Variants in MAGI2 observed in about 807,000 individuals in gnomAD.
MAGI2 encodes membrane associated guanylate kinase, WW and PDZ domain containing 2.
A neutral mutation model predicts 133.3 loss-of-function variants in MAGI2; 35 were observed. The ratio of observed to expected loss-of-function variants is 0.26; its 90% confidence interval spans 0.20 to 0.35. The LOEUF (loss-of-function observed/expected upper bound fraction) is 0.35. Ranked by LOEUF, MAGI2 falls within the 10% of genes least tolerant of loss-of-function variation. The pLI is 1.00. For missense variants in MAGI2, 1,636 were observed against 1,863.4 expected (o/e 0.88, Z 2.25); for synonymous variants, 729 against 710.6 (o/e 1.03, Z -0.41).
intron 3 of MAGI2, among the ~76,000 whole-genome samples, chr7:78,545,148 T>G (rs537811867): frequency 1.3e-5 from 2 of 151,454 alleles, no homozygotes; most frequent in South Asian, 4.2e-4. Flanking sequence ...GAACTTGAAA[T>G]TATAAGTCTT....
At chr7:79,405,332 G>A (rs919371544) in intron 1 of MAGI2, among the ~76,000 whole-genome samples, 5 of 152,114 alleles carry the variant, frequency 3.3e-5, no homozygotes, top group Admixed American at 3.3e-4. Flanking sequence ...CATTCATAAA[G>A]TAAATCAGGG....
chr7:79,169,484 T>C (rs1825306917), intron 1 of MAGI2, among the ~76,000 whole-genome samples: 1 of 152,100 alleles, frequency 6.6e-6, no homozygotes, highest in Admixed American at 6.6e-5. Flanking sequence ...TTAACATTTG[T>C]ATCAACACAG....
At chr7:78,564,109 A>T (rs1010779528) in intron 3 of MAGI2, among the ~76,000 whole-genome samples, 3 of 152,184 alleles carry the variant, frequency 2.0e-5, no homozygotes, top group Non-Finnish European at 4.4e-5. Flanking sequence ...GATCACAACC[A>T]AATATGCTGT....
intron 6 of MAGI2, among the ~76,000 whole-genome samples, chr7:78,398,081 G>A (rs554868862): frequency 9.9e-5 from 15 of 152,206 alleles, no homozygotes; most frequent in African/African-American, 3.4e-4. Context: ...TGTGTGTGCT[G>A]TGTGAGAAAA....
intron 1 of MAGI2, among the ~76,000 whole-genome samples, chr7:79,136,272 T>G (rs1313242558): frequency 6.6e-6 from 1 of 152,226 alleles, no homozygotes; most frequent in Non-Finnish European, 1.5e-5. Context: ...AGGTTTTCAG[T>G]CAGATGTCTA....
intron 1 of MAGI2, among the ~76,000 whole-genome samples, chr7:79,151,756 G>A (rs1036018287): frequency 6.6e-6 from 1 of 152,104 alleles, no homozygotes. Context: ...TGAGAACAAG[G>A]TGTTTGTGGA....
intron 1 of MAGI2, among the ~76,000 whole-genome samples, chr7:79,218,218 C>T (rs1442455531): frequency 3.9e-5 from 6 of 151,920 alleles, no homozygotes; most frequent in African/African-American, 1.2e-4. Flanking sequence ...TATTCCATGA[C>T]CTTATATATA....
chr7:79,241,170 A>G (rs1324838314), intron 1 of MAGI2, among the ~76,000 whole-genome samples: 3 of 152,180 alleles, frequency 2.0e-5, no homozygotes, highest in Non-Finnish European at 4.4e-5. Flanking sequence ...GTGATGATGG[A>G]GTGAACAGGA....
At chr7:78,934,362 A>C (rs1190104912) in intron 2 of MAGI2, among the ~76,000 whole-genome samples, 1 of 152,126 alleles carries the variant, frequency 6.6e-6, no homozygotes, top group Non-Finnish European at 1.5e-5. Context: ...CCTCAGCCCC[A>C]CAAAGTGCTA....
intron 21 of MAGI2, among the ~76,000 whole-genome samples, chr7:78,076,794 C>T (rs1230080619): frequency 6.1e-5 from 8 of 130,446 alleles, no homozygotes; most frequent in African/African-American, 2.4e-4. Flanking sequence ...TGCAGTGAGC[C>T]GAGATTGCGC....
chr7:78,515,871 C>CAA (rs1298091321), intron 4 of MAGI2, among the ~76,000 whole-genome samples: 2 of 152,000 alleles, frequency 1.3e-5, no homozygotes, highest in African/African-American at 2.4e-5. Flanking sequence ...TGGACTCCAG[C>CAA]CTGGGCAACA....
chr7:78,746,159 T>C (rs548700315), intron 2 of MAGI2, among the ~76,000 whole-genome samples: 1 of 152,308 alleles, frequency 6.6e-6, no homozygotes, highest in East Asian at 1.9e-4. Flanking sequence ...GCTAAAAATA[T>C]TGCATGCCTC....
intron 1 of MAGI2, among the ~76,000 whole-genome samples, chr7:79,036,273 GCCAATGTA>G (rs1223561934): frequency 6.6e-6 from 1 of 152,190 alleles, no homozygotes; most frequent in East Asian, 1.9e-4. Flanking sequence ...ATTTGAGGAA[GCCAATGTA>G]AAAATAGGAT....
At chr7:78,110,682 A>G (rs532874564) in intron 20 of MAGI2, among the ~76,000 whole-genome samples, 64 of 152,298 alleles carry the variant, frequency 4.2e-4, no homozygotes, top group African/African-American at 1.5e-3. Context: ...GTCAAGTTGA[A>G]CCATGCAGGA....
At chr7:78,108,026 T>G (rs1050155731) in intron 20 of MAGI2, among the ~76,000 whole-genome samples, 1 of 151,940 alleles carries the variant, frequency 6.6e-6, no homozygotes, top group Non-Finnish European at 1.5e-5. Context: ...TTGGGTTTGA[T>G]TTTGTCATGC....
At chr7:79,016,799 C>T (rs571744717) in intron 1 of MAGI2, among the ~76,000 whole-genome samples, 1 of 152,182 alleles carries the variant, frequency 6.6e-6, no homozygotes, top group African/African-American at 2.4e-5. Flanking sequence ...CACCCCTATG[C>T]CAATATTGCC....
intron 2 of MAGI2, among the ~76,000 whole-genome samples, chr7:78,936,731 A>C (rs1313394582): frequency 6.6e-6 from 1 of 152,114 alleles, no homozygotes; most frequent in Non-Finnish European, 1.5e-5. Context: ...TATAGTGTGT[A>C]TAAGTAAAGA....
At chr7:78,510,173 G>A (rs2110631) in intron 4 of MAGI2, among the ~76,000 whole-genome samples, 8,959 of 152,108 alleles carry the variant, frequency 0.059, 486 homozygotes, top group African/African-American at 0.15. Context: ...AAAATTCCCC[G>A]ATAACAACAG....
chr7:79,084,484 A>G (rs1175361052), intron 1 of MAGI2, among the ~76,000 whole-genome samples: 1 of 151,766 alleles, frequency 6.6e-6, no homozygotes, highest in Non-Finnish European at 1.5e-5. Context: ...TTAATCATTT[A>G]TAATTTTATT....
Sources: gnomAD v4.1 joint callset for allele counts (sites outside exome capture counted in the v4.1 genomes callset) on GRCh38, gnomAD v4.1.1 for gene constraint, MANE v1.5 for transcripts, NCBI Gene and HGNC (gene_info 2026-07-23, HGNC 2026-07-21) for gene names.